The following ZGRF1 variants were observed in gnomAD, a reference collection of about 807,000 sequenced individuals.
The protein encoded by ZGRF1 is 5'-3' DNA helicase ZGRF1.
A neutral mutation model predicts 203.5 loss-of-function variants in ZGRF1; 196 were observed. The observed-to-expected ratio is 0.96, with a 90% CI of 0.86 to 1.08. ZGRF1 has a LOEUF of 1.08. ZGRF1 is among the 50% of genes least tolerant of loss of function. The pLI is 0.00. For synonymous variants in ZGRF1, 809 were observed against 841.3 expected, an observed-to-expected ratio of 0.96 and a Z score of 0.66; for missense variants, 2,326 against 2,416.3, an observed-to-expected ratio of 0.96 and a Z score of 0.78.
In ZGRF1 at chr4:112,589,772, G is replaced by A. The variant is rs1362855090; in HGVS notation, c.3079C>T (p.Leu1027=). 1 of 1,613,818 alleles carries A rather than the reference G, an allele frequency of 6.2e-7. No homozygotes were observed. Among genetic ancestry groups the A allele is most frequent in the South Asian group, 1.1e-5 (1 of 91,068 alleles). The change falls in exon 11 of 28, where the codon CTG becomes TTG. Residue 1027 remains leucine, a synonymous_variant. Coordinates refer to ENST00000505019, the MANE Select transcript of ZGRF1 (RefSeq NM_018392.5). ...DFMVEFSETS[L]KARTLPDDLH... is the part of the protein sequence containing the mutation. The stretch of plus-strand genomic sequence containing the variant: ...TCATCAGGTAAAGTTCTTGCTTTCA[G>A]GGACGTCTCAGAGAATTCTACCATG...
intron 15 of ZGRF1, among the ~76,000 whole-genome samples, chr4:112,583,093 A>C (rs1746559136): frequency 6.6e-6 from 1 of 152,202 alleles, no homozygotes; most frequent in Non-Finnish European, 1.5e-5. Flanking sequence ...GGAATAACTT[A>C]TTCCGATATC....
At chr4:112,592,140 C>G (rs549643229) in intron 10 of ZGRF1, among the ~76,000 whole-genome samples, 216 of 149,738 alleles carry the variant, frequency 1.4e-3, no homozygotes, top group African/African-American at 5.2e-3. Context: ...CTGTGTTGCC[C>G]AGGCTGGAGT....
intron 9 of ZGRF1, 44 bp from the exon 10 acceptor site, chr4:112,603,741 T>C: frequency 7.1e-6 from 10 of 1,412,170 alleles, no homozygotes; most frequent in Non-Finnish European, 8.9e-6. Context: ...AACTATATGT[T>C]GACATATATA....
chr4:112,571,995 G>A (rs891674114), intron 16 of ZGRF1, among the ~76,000 whole-genome samples: 18 of 152,124 alleles, frequency 1.2e-4, no homozygotes, highest in African/African-American at 4.3e-4. Context: ...TTATATGACA[G>A]AGGTAGCATT....
In ZGRF1 at chr4:112,547,263, G is replaced by A. The variant is rs780761363; in HGVS notation, c.5598+22C>T. On this transcript the variant is annotated intron_variant, in intron 24 of 27. Coordinates refer to ENST00000505019, the MANE Select transcript of ZGRF1 (RefSeq NM_018392.5). The stretch of plus-strand genomic sequence containing the variant: ...TGTAGAATCAATAAATGATAATTCC[G>A]TAAGAATTCAGCAGTATGTACCATT... 1.9e-5 allele frequency: 30 copies of A among 1,594,576 alleles called. No individual in the cohort carries two copies. The Middle Eastern group carries it at 6.7e-4, about 36-fold the overall frequency.
In ZGRF1 at chr4:112,617,413, A is replaced by G. The variant is rs532184949; in HGVS notation, c.2602+27T>C. 2.6e-5 allele frequency: 39 copies of G among 1,485,594 alleles called. 1 individual carries two copies. In the South Asian group the frequency reaches 3.7e-4, roughly 14 times the overall value. The allele number at this position is 1,485,594 out of a possible 1,614,324, so 92.0% of individuals were successfully genotyped here. The stretch of plus-strand genomic sequence containing the variant: ...TAGCTCAAAGACCTATAAAGAAAAC[A>G]TTCCAAAATAGACATGCAATTCTAA... On this transcript the variant is annotated intron_variant, in intron 6 of 27. Coordinates refer to ENST00000505019, the MANE Select transcript of ZGRF1 (RefSeq NM_018392.5).
chr4:112,549,727 C>T (rs529383051), intron 22 of ZGRF1, among the ~76,000 whole-genome samples: 256 of 152,070 alleles, frequency 1.7e-3, no homozygotes, highest in African/African-American at 5.9e-3. Flanking sequence ...GCGGTTTATA[C>T]ATTTACTATA....
At chr4:112,622,375 C>T (rs2047088697) in intron 4 of ZGRF1, among the ~76,000 whole-genome samples, 1 of 151,900 alleles carries the variant, frequency 6.6e-6, no homozygotes, top group African/African-American at 2.4e-5. Flanking sequence ...AAAAAATTAG[C>T]TGGGCATGGT....
At chr4:112,610,925 C>T (rs1269996235) in intron 7 of ZGRF1, 1 of 306,192 alleles carries the variant, frequency 3.3e-6, no homozygotes, top group Non-Finnish European at 6.3e-6. Context: ...ATACATCAAT[C>T]TAACCATTTT....
At chr4:112,599,190 T>A (rs746355765) in intron 10 of ZGRF1, among the ~76,000 whole-genome samples, 2 of 152,138 alleles carry the variant, frequency 1.3e-5, no homozygotes, top group African/African-American at 2.4e-5. Context: ...ATACCAAAAC[T>A]GTAAAACATT....
intron 16 of ZGRF1, among the ~76,000 whole-genome samples, chr4:112,565,815 T>A (rs1302114351): frequency 6.6e-6 from 1 of 152,126 alleles, no homozygotes; most frequent in Non-Finnish European, 1.5e-5. Context: ...TCACACCAGT[T>A]AGAATGGCAG....
At chr4:112,599,720 T>TA (rs35067627) in intron 10 of ZGRF1, among the ~76,000 whole-genome samples, 67 of 150,784 alleles carry the variant, frequency 4.4e-4, no homozygotes, top group African/African-American at 1.4e-3. Flanking sequence ...AGATTCTGTT[T>TA]AAAAAAAAAG....
intron 24 of ZGRF1, chr4:112,546,656 T>C (rs1467792753): frequency 6.6e-6 from 1 of 152,210 alleles, no homozygotes; most frequent in African/African-American, 2.4e-5. Flanking sequence ...GATTTGTGAA[T>C]GGATTAATGC....
intron 16 of ZGRF1, among the ~76,000 whole-genome samples, chr4:112,575,475 AGGCATCGCCTCACCCGGG>A (rs1443832001): frequency 6.6e-6 from 1 of 152,120 alleles, no homozygotes; most frequent in African/African-American, 2.4e-5. Context: ...AAGCAGGGTG[AGGCATCGCCTCACCCGGG>A]AAGTGCAAGG....
intron 10 of ZGRF1, among the ~76,000 whole-genome samples, chr4:112,593,421 T>G (rs988909918): frequency 6.6e-6 from 1 of 152,238 alleles, no homozygotes; most frequent in Non-Finnish European, 1.5e-5. Context: ...ATCTTCTATA[T>G]AGCAGCCAGC....
intron 3 of ZGRF1, among the ~76,000 whole-genome samples, chr4:112,624,998 G>C (rs1291985223): frequency 4.6e-5 from 7 of 152,084 alleles, no homozygotes; most frequent in African/African-American, 1.7e-4. Flanking sequence ...TGACGTATTG[G>C]GCTTGGTACA....
chr4:112,540,807 T>C lies in ZGRF1; in HGVS notation c.5910+14A>G, dbSNP rs1190765508. 2.5e-6 allele frequency: 4 copies of C among 1,573,180 alleles called. No homozygotes were observed. The highest frequency in any genetic ancestry group is 3.5e-6 in the Non-Finnish European group (4 of 1,155,368). ...ATTTAATATATGGCAAATACTGTAA[T>C]ACATAATACCAACCTTGTACATCTG... On this transcript the variant is annotated intron_variant, in intron 26 of 27. Coordinates refer to ENST00000505019, the MANE Select transcript of ZGRF1 (RefSeq NM_018392.5).
intron 16 of ZGRF1, among the ~76,000 whole-genome samples, chr4:112,575,477 GCAT>G (rs1270001002): frequency 3.3e-5 from 5 of 152,166 alleles, no homozygotes; most frequent in Non-Finnish European, 7.3e-5. Context: ...GCAGGGTGAG[GCAT>G]CGCCTCACCC....
At chr4:112,557,918 T>C (rs77719962) in intron 20 of ZGRF1, among the ~76,000 whole-genome samples, 10,242 of 152,288 alleles carry the variant, frequency 0.067, 487 homozygotes, top group East Asian at 0.23. Context: ...ACTTGAATTT[T>C]TGCATGAGTA....
Sources: allele counts gnomAD v4.1 joint callset (sites outside exome capture counted in the v4.1 genomes callset), GRCh38; gene constraint gnomAD v4.1.1; transcripts MANE v1.5; gene names NCBI Gene and HGNC (gene_info 2026-07-23, HGNC 2026-07-21).